SAMD12: variants seen among roughly 807,000 people sequenced by gnomAD.
The protein encoded by SAMD12 is sterile alpha motif domain containing 12, also known as sterile alpha motif domain-containing protein 12.
In SAMD12, 9 loss-of-function variants were observed where a neutral mutation model predicts 15.0. That is an observed-to-expected ratio of 0.60 (90% CI 0.36 to 1.05). The LOEUF is 1.05. Among genes scored for constraint, SAMD12 ranks in the 50% least tolerant of loss-of-function variants. The pLI, the probability that SAMD12 is intolerant of heterozygous loss-of-function variation, is 0.01. For synonymous variants in SAMD12, 86 were observed against 90.1 expected (o/e 0.96, Z 0.25); for missense variants, 230 against 234.2 (o/e 0.98, Z 0.12).
downstream of SAMD12, among the ~76,000 whole-genome samples, chr8:118,374,416 C>T (rs182392215): frequency 6.6e-6 from 1 of 152,186 alleles, no homozygotes; most frequent in Admixed American, 6.6e-5. Flanking sequence ...CTATCTCTTG[C>T]CTATTGTGAA....
intron 4 of SAMD12, among the ~76,000 whole-genome samples, chr8:118,211,298 A>G (rs1811816814): frequency 6.6e-6 from 1 of 152,224 alleles, no homozygotes; most frequent in Admixed American, 6.5e-5. Context: ...ATTAGAAGCG[A>G]TGGAGTCTCA....
chr8:118,445,368 T>G (rs1268903915), intron 2 of SAMD12, among the ~76,000 whole-genome samples: 1 of 152,198 alleles, frequency 6.6e-6, no homozygotes, highest in Non-Finnish European at 1.5e-5. Flanking sequence ...TAGAAAATTT[T>G]AAAAACATAT....
At chr8:118,426,772 A>C in intron 3 of SAMD12, among the ~76,000 whole-genome samples, 1 of 152,090 alleles carries the variant, frequency 6.6e-6, no homozygotes, top group East Asian at 1.9e-4. Flanking sequence ...AAAATAATGT[A>C]TGTTTTTCTT....
At chr8:118,340,537 G>A (rs1284671790) in intron 4 of SAMD12, among the ~76,000 whole-genome samples, 1 of 152,196 alleles carries the variant, frequency 6.6e-6, no homozygotes, top group African/African-American at 2.4e-5. Context: ...GGGAGGCCAA[G>A]GTGGGTGGAT....
intron 3 of SAMD12, among the ~76,000 whole-genome samples, chr8:118,381,923 T>C (rs1225450161): frequency 6.6e-6 from 1 of 152,210 alleles, no homozygotes; most frequent in Non-Finnish European, 1.5e-5. Flanking sequence ...TCCCCATTTC[T>C]GGCTGCTGGC....
chr8:118,465,122 C>T (rs1042578064), intron 2 of SAMD12, among the ~76,000 whole-genome samples: 11 of 152,142 alleles, frequency 7.2e-5, no homozygotes, highest in African/African-American at 2.2e-4. Context: ...GCAAATATAC[C>T]CCAATCTTAA....
chr8:118,469,239 G>A (rs1231580191), intron 2 of SAMD12, among the ~76,000 whole-genome samples: 1 of 151,394 alleles, frequency 6.6e-6, no homozygotes, highest in Non-Finnish European at 1.5e-5. Flanking sequence ...AGGACAAAAT[G>A]CTGCAGAGTG....
At chr8:118,380,855 A>C (rs1425074097) in intron 3 of SAMD12, among the ~76,000 whole-genome samples, 1 of 152,206 alleles carries the variant, frequency 6.6e-6, no homozygotes, top group Non-Finnish European at 1.5e-5. Context: ...AGGATAAGTT[A>C]GTTTATATGC....
chr8:118,168,070 G>A, the SAMD12 span, among the ~76,000 whole-genome samples: 1 of 152,176 alleles, frequency 6.6e-6, no homozygotes, highest in Non-Finnish European at 1.5e-5. Context: ...TACGTCTCAT[G>A]AAATCTGATG....
At chr8:118,316,369 CA>C (rs71307444) in intron 4 of SAMD12, among the ~76,000 whole-genome samples, 19,354 of 114,078 alleles carry the variant, frequency 0.17, 1,693 homozygotes, top group African/African-American at 0.27. Flanking sequence ...CCCATGTCTA[CA>C]AAAAAAAAAA....
intron 4 of SAMD12, among the ~76,000 whole-genome samples, chr8:118,321,075 T>C (rs975697916): frequency 4.2e-5 from 6 of 143,876 alleles, no homozygotes; most frequent in Non-Finnish European, 6.0e-5. Flanking sequence ...CAGCAAGAAG[T>C]TGATGAATAC....
At chr8:118,611,615 TGTTAA>T (rs1828113374) in intron 1 of SAMD12, among the ~76,000 whole-genome samples, 1 of 152,318 alleles carries the variant, frequency 6.6e-6, no homozygotes, top group East Asian at 1.9e-4. Flanking sequence ...GTGGGAGCCT[TGTTAA>T]TAATCATGTT....
intron 1 of SAMD12, among the ~76,000 whole-genome samples, chr8:118,618,416 G>A (rs1483262192): frequency 6.6e-6 from 1 of 152,204 alleles, no homozygotes; most frequent in Non-Finnish European, 1.5e-5. Context: ...GCATGAATAA[G>A]TGAAAATTCA....
intron 4 of SAMD12, among the ~76,000 whole-genome samples, chr8:118,307,424 T>C (rs974652661): frequency 2.6e-5 from 4 of 152,228 alleles, no homozygotes; most frequent in African/African-American, 9.6e-5. Flanking sequence ...ACATGGTCTA[T>C]GGACCACATG....
chr8:118,145,202 T>C, the SAMD12 span, among the ~76,000 whole-genome samples: 123 of 152,304 alleles, frequency 8.1e-4, no homozygotes, highest in Non-Finnish European at 1.4e-3. Flanking sequence ...ATATCTATTA[T>C]GACTCATGCT....
chr8:118,223,197 CT>C (rs1202576666), intron 4 of SAMD12, among the ~76,000 whole-genome samples: 1 of 152,178 alleles, frequency 6.6e-6, no homozygotes, highest in Non-Finnish European at 1.5e-5. Flanking sequence ...CCTCTGGAGT[CT>C]TTCTTCTTTT....
At chr8:118,299,789 G>C (rs796592701) in intron 4 of SAMD12, among the ~76,000 whole-genome samples, 1 of 152,126 alleles carries the variant, frequency 6.6e-6, no homozygotes, top group Admixed American at 6.5e-5. Context: ...ATGGCCTACA[G>C]ACATATGGCT....
intron 2 of SAMD12, among the ~76,000 whole-genome samples, chr8:118,552,522 G>A (rs114029851): frequency 5.9e-5 from 9 of 152,076 alleles, no homozygotes; most frequent in African/African-American, 9.7e-5. Flanking sequence ...TTGATGGGAC[G>A]ACGTATTTCA....
At chr8:118,431,684 T>C (rs1276542749) in intron 3 of SAMD12, among the ~76,000 whole-genome samples, 1 of 124,720 alleles carries the variant, frequency 8.0e-6, no homozygotes, top group African/African-American at 3.1e-5. Context: ...ATTTTACCTT[T>C]GTCGTGTGTG....
Sources: gnomAD v4.1 joint callset for allele counts (sites outside exome capture counted in the v4.1 genomes callset) on GRCh38, gnomAD v4.1.1 for gene constraint, MANE v1.5 for transcripts, NCBI Gene and HGNC (gene_info 2026-07-23, HGNC 2026-07-21) for gene names.